The following ANK3 variants were observed in gnomAD, a reference collection of about 807,000 sequenced individuals.
ANK3 encodes ankyrin-3.
A neutral mutation model predicts 370.9 loss-of-function variants in ANK3; 57 were observed. The observed-to-expected ratio is 0.15, with a 90% confidence interval of 0.12 to 0.19. ANK3 has a LOEUF of 0.19. Among genes scored for constraint, ANK3 ranks in the 10% least tolerant of loss-of-function variants. The probability of loss-of-function intolerance (pLI) is 1.00; values close to 1 mark genes in which losing one functional copy is unlikely to be tolerated. For missense variants in ANK3, 4,439 were observed against 5,302.1 expected, an observed-to-expected ratio of 0.84 and a Z score of 5.06; for synonymous variants, 1,929 against 1,946.3, an observed-to-expected ratio of 0.99 and a Z score of 0.23.
At chr10:60,040,465 C>T (rs1452480497) in intron 43 of ANK3, among the ~76,000 whole-genome samples, 1 of 152,130 alleles carries the variant, frequency 6.6e-6, no homozygotes, top group East Asian at 1.9e-4. Flanking sequence ...TAAAATTAGG[C>T]TTGTCAAGTC....
chr10:60,480,026 C>T (rs369679611), intron 2 of ANK3, among the ~76,000 whole-genome samples: 2 of 152,094 alleles, frequency 1.3e-5, no homozygotes, highest in African/African-American at 4.8e-5. Context: ...GCGGGCACTG[C>T]CTTGGTGAAA....
chr10:60,132,418 T>TA (rs1279306179), intron 25 of ANK3, among the ~76,000 whole-genome samples: 3 of 151,982 alleles, frequency 2.0e-5, no homozygotes, highest in African/African-American at 7.2e-5. Context: ...TCTGATGGTT[T>TA]TATAAGGGGG....
intron 1 of ANK3, among the ~76,000 whole-genome samples, chr10:60,279,885 A>G (rs918759784): frequency 2.0e-5 from 3 of 152,190 alleles, no homozygotes; most frequent in East Asian, 3.8e-4. Flanking sequence ...AAAATTTCCT[A>G]TAAAGTATAG....
intron 2 of ANK3, among the ~76,000 whole-genome samples, chr10:60,465,140 C>T (rs957158286): frequency 6.6e-6 from 1 of 151,914 alleles, no homozygotes; most frequent in South Asian, 2.1e-4. Context: ...GACTGTAGTC[C>T]CAGCTACTCA....
intron 3 of ANK3, 42 bp downstream of exon 3, chr10:60,279,008 C>T (rs2098127652): frequency 6.3e-7 from 1 of 1,594,292 alleles, no homozygotes; most frequent in South Asian, 1.1e-5. Flanking sequence ...CCTCACAGAA[C>T]ATGGCGAGTG....
chr10:60,458,137 G>A (rs1687609450), intron 2 of ANK3, among the ~76,000 whole-genome samples: 1 of 152,078 alleles, frequency 6.6e-6, no homozygotes, highest in South Asian at 2.1e-4. Context: ...ATTGCCCAGG[G>A]AAGTTGTGAT....
intron 1 of ANK3, among the ~76,000 whole-genome samples, chr10:60,651,863 CT>C (rs1207874570): frequency 6.6e-6 from 1 of 152,174 alleles, no homozygotes; most frequent in Non-Finnish European, 1.5e-5. Context: ...TCTAGGCACT[CT>C]GACCTCTCAC....
chr10:60,399,281 G>T (rs767588941), intron 2 of ANK3, among the ~76,000 whole-genome samples: 1 of 152,082 alleles, frequency 6.6e-6, no homozygotes, highest in African/African-American at 2.4e-5. Flanking sequence ...TGGAAAGAAC[G>T]AGCTCAGGTC....
intron 33 of ANK3, 138 bp from the exon 34 acceptor site, chr10:60,082,875 T>C (rs1157300808): frequency 5.9e-6 from 6 of 1,018,704 alleles, no homozygotes; most frequent in African/African-American, 4.9e-5. Context: ...ATGATTACGA[T>C]TATGCAGCAA....
intron 1 of ANK3, among the ~76,000 whole-genome samples, chr10:60,688,434 T>C (rs1031906186): frequency 6.6e-6 from 1 of 152,190 alleles, no homozygotes; most frequent in Admixed American, 6.5e-5. Context: ...TGCCATACAT[T>C]GTACTTATAA....
At chr10:60,109,124 A>G in intron 26 of ANK3, 70 bp from the exon 27 acceptor site, 1 of 1,257,866 alleles carries the variant, frequency 7.9e-7, no homozygotes, top group Non-Finnish European at 1.1e-6. Context: ...TTTGGAAATT[A>G]AATGTTTAAG....
chr10:60,484,783 C>A (rs1340493585), intron 2 of ANK3, among the ~76,000 whole-genome samples: 1 of 152,154 alleles, frequency 6.6e-6, no homozygotes, highest in African/African-American at 2.4e-5. Flanking sequence ...CCATTCCTGA[C>A]TCAAAGTTAA....
chr10:60,048,656 T>C (rs942677869), intron 42 of ANK3, among the ~76,000 whole-genome samples: 3 of 152,226 alleles, frequency 2.0e-5, no homozygotes, highest in Non-Finnish European at 4.4e-5. Context: ...TGTTATACTA[T>C]ATTGCTTCTT....
chr10:60,401,852 T>C (rs2063357913), intron 2 of ANK3, among the ~76,000 whole-genome samples: 1 of 152,172 alleles, frequency 6.6e-6, no homozygotes, highest in African/African-American at 2.4e-5. Context: ...TTAAGTAACT[T>C]AGGATAAATT....
At chr10:60,580,941 G>A (rs1280121867) in intron 2 of ANK3, among the ~76,000 whole-genome samples, 1 of 152,148 alleles carries the variant, frequency 6.6e-6, no homozygotes, top group African/African-American at 2.4e-5. Context: ...CTAGGTCCAG[G>A]CAAACTTTTA....
intron 2 of ANK3, among the ~76,000 whole-genome samples, chr10:60,597,859 A>T (rs984336684): frequency 6.6e-6 from 1 of 152,214 alleles, no homozygotes; most frequent in African/African-American, 2.4e-5. Context: ...TCTTATAAGG[A>T]CTGAAGCAAT....
chr10:60,449,526 A>G (rs2064540789), intron 2 of ANK3, among the ~76,000 whole-genome samples: 7 of 152,228 alleles, frequency 4.6e-5, no homozygotes, highest in Admixed American at 4.6e-4. Flanking sequence ...ACATAGTACC[A>G]TTAAAAAATA....
At chr10:60,164,441 G>A (rs931409052) in intron 23 of ANK3, among the ~76,000 whole-genome samples, 1 of 151,378 alleles carries the variant, frequency 6.6e-6, no homozygotes, top group Non-Finnish European at 1.5e-5. Flanking sequence ...ACAGGAGAGG[G>A]CGACCAGGTT....
At chr10:60,542,077 C>T (rs1211841641) in intron 2 of ANK3, among the ~76,000 whole-genome samples, 1 of 151,886 alleles carries the variant, frequency 6.6e-6, no homozygotes, top group African/African-American at 2.4e-5. Context: ...CTCACGTCCC[C>T]TCATACTAGT....
Sources: allele counts gnomAD v4.1 joint callset (sites outside exome capture counted in the v4.1 genomes callset), GRCh38; gene constraint gnomAD v4.1.1; transcripts MANE v1.5; gene names NCBI Gene and HGNC (gene_info 2026-07-23, HGNC 2026-07-21).